Variants in KCNQ4 observed in about 807,000 individuals in gnomAD.
The protein encoded by KCNQ4 is potassium voltage-gated channel subfamily Q member 4.
Under a neutral mutation model 72.6 loss-of-function variants are expected in KCNQ4, and 31 were observed. The observed-to-expected ratio is 0.43, with a 90% CI of 0.32 to 0.58. KCNQ4 has a LOEUF of 0.58. Among genes scored for constraint, KCNQ4 ranks in the 20% least tolerant of loss-of-function variants. KCNQ4 has a pLI of 0.08. For missense variants in KCNQ4, 869 were observed against 962.6 expected (o/e 0.90, Z 1.29); for synonymous variants, 405 against 403.7 (o/e 1.00, Z -0.04).
chr1:40,802,502 A>C (rs1183673269), intron 1 of KCNQ4, among the ~76,000 whole-genome samples: 3 of 151,804 alleles, frequency 2.0e-5, no homozygotes, highest in Non-Finnish European at 4.4e-5. Flanking sequence ...CCTCCCAGGG[A>C]CGCAAGAGCC....
Position 40,817,239 on chromosome 1 carries a change from C to G in KCNQ4, c.315-26C>G. The G allele has an allele frequency of 3.2e-6, 5 of 1,571,050 alleles. No individual in the cohort carries two copies. Among genetic ancestry groups the G allele is most frequent in the Non-Finnish European group, 4.4e-6 (5 of 1,141,906 alleles). ...CTGTCCTGTCCCTCCAACAATCTAA[C>G]CCTCTCCCTCATGTTGTAATTGCAG... is the stretch of plus-strand genomic sequence containing the variant. On this transcript the variant is annotated intron_variant, in intron 1 of 13. Coordinates refer to ENST00000347132, the MANE Select transcript of KCNQ4 (RefSeq NM_004700.4). The surrounding 1 kb of genome is among the most constrained non-coding windows in gnomAD (Gnocchi z 5.5).
At chr1:40,792,625 A>T (rs1647305331) in intron 1 of KCNQ4, among the ~76,000 whole-genome samples, 2 of 151,472 alleles carry the variant, frequency 1.3e-5, no homozygotes, top group African/African-American at 2.4e-5. Flanking sequence ...GAACTCATTC[A>T]CTCATCTCAT....
At chr1:40,824,037 A>G in intron 8 of KCNQ4, 60 bp from the exon 9 acceptor site, 3 of 1,534,578 alleles carry the variant, frequency 2.0e-6, no homozygotes, top group Non-Finnish European at 2.6e-6. Context: ...CTCTGTGCCC[A>G]CTGGGTGAGG....
chr1:40,832,688 A>G (rs1450129119), intron 10 of KCNQ4, among the ~76,000 whole-genome samples: 1 of 152,202 alleles, frequency 6.6e-6, no homozygotes, highest in Non-Finnish European at 1.5e-5. Context: ...CTGTTCTGCA[A>G]GGTGGAACCA....
chr1:40,814,204 C>T (rs896969767), intron 1 of KCNQ4, among the ~76,000 whole-genome samples: 2 of 151,738 alleles, frequency 1.3e-5, no homozygotes, highest in African/African-American at 4.8e-5. Context: ...CAGGCGCCTA[C>T]CAACACGCCT....
chr1:40,786,633 C>T (rs941358030), intron 1 of KCNQ4, among the ~76,000 whole-genome samples: 6 of 152,318 alleles, frequency 3.9e-5, no homozygotes, highest in African/African-American at 1.4e-4. Context: ...AGGAACCCCA[C>T]CTCTTATGTG....
Position 40,784,204 on chromosome 1 carries a change from CG to C in KCNQ4, c.116del (p.Gly39AlafsTer100), listed in dbSNP as rs1351701810. The C allele has an allele frequency of 1.8e-6, 2 of 1,126,874 alleles. No individual in the cohort carries two copies. Among genetic ancestry groups the C allele is most frequent in the South Asian group, 3.8e-5 (1 of 26,554 alleles). 69.8% of individuals were successfully genotyped at this position (1,126,874 alleles called of 1,614,324 possible). Reference protein sequence around the residue: ...AVQSEQGEAGGGGSPRRLGLL... With the variant: ...AVQSEQGEAGXGGSPRRLGLL... Reference sequence around the variant, plus strand: ...TGCAGAGCGAACAGGGCGAGGCGGGCGGGGGCGGCTCCCCGCGCCGCCTCGG... The same window carrying C: ...TGCAGAGCGAACAGGGCGAGGCGGGCGGGGCGGCTCCCCGCGCCGCCTCGG... On this transcript the variant is annotated frameshift_variant, in exon 1 of 14. Transcript: ENST00000347132. LOFTEE classifies it high-confidence loss of function. The surrounding 1 kb of genome is among the most constrained non-coding windows in gnomAD (Gnocchi z 4.1).
chr1:40,818,075 AACC>A, intron 2 of KCNQ4, 86 bp from the exon 3 acceptor site: 1 of 1,570,840 alleles, frequency 6.4e-7, no homozygotes, highest in Non-Finnish European at 8.7e-7. Flanking sequence ...TGGTCCCCCT[AACC>A]CAGGGACTCT....
intron 9 of KCNQ4, among the ~76,000 whole-genome samples, chr1:40,830,665 G>C (rs1412236198): frequency 6.6e-6 from 1 of 152,114 alleles, no homozygotes; most frequent in Non-Finnish European, 1.5e-5. Context: ...TGCATGGCCA[G>C]GTGAGCTTCC....
Position 40,819,463 on chromosome 1 carries a change from G to C in KCNQ4, c.825G>C (p.Trp275Cys), listed in dbSNP as rs956666801. The C allele has an allele frequency of 6.2e-7, 1 of 1,613,788 alleles. No individual in the cohort carries two copies. ...SDFSSYADSL[W>C]WGTITLTTIG... is the part of the protein sequence containing the mutation. ...TCTCCTCCTACGCCGACTCGCTCTG[G>C]TGGGGGACGGTGCGTGAGGGTCTTT... is the stretch of plus-strand genomic sequence containing the variant. The change falls in exon 5 of 14, where the codon TGG becomes TGC. Residue 275 changes from tryptophan (W) to cysteine (C), a missense_variant. Trp to Cys is a radical substitution (Grantham distance 215, BLOSUM62 -2). Transcript: ENST00000347132.
intron 9 of KCNQ4, among the ~76,000 whole-genome samples, chr1:40,828,194 G>A (rs1648539985): frequency 6.6e-6 from 1 of 152,166 alleles, no homozygotes; most frequent in South Asian, 2.1e-4. Flanking sequence ...CCTTGTGGAA[G>A]TGAGTTCAAG....
chr1:40,791,120 C>A (rs1331936054), intron 1 of KCNQ4, among the ~76,000 whole-genome samples: 1 of 152,078 alleles, frequency 6.6e-6, no homozygotes, highest in African/African-American at 2.4e-5. Flanking sequence ...GCAGGGAATC[C>A]CAAGGGAGAT....
intron 1 of KCNQ4, among the ~76,000 whole-genome samples, chr1:40,806,042 C>T (rs1419305232): frequency 3.3e-5 from 5 of 152,074 alleles, no homozygotes; most frequent in African/African-American, 1.2e-4. Context: ...GGGGTTTCAC[C>T]GTGTTAGCCA....
In KCNQ4 at chr1:40,839,356, C is replaced by T. The variant is rs1648907584; in HGVS notation, c.*833C>T. On this transcript the variant is annotated 3_prime_UTR_variant, in exon 14 of 14. Transcript: ENST00000347132. ...TCAGCACAGGTTTCTGTATCCTCCC[C>T]AAAACTCCCAGACAGTGCTTCGTGG... 6.6e-6 allele frequency: 1 copy of T among 152,348 alleles called. No individual in the cohort carries two copies. Among genetic ancestry groups the T allele is most frequent in the South Asian group, 2.1e-4 (1 of 4,836 alleles). The allele number at this position is 152,348 out of a possible 1,614,324, so 9.4% of individuals were successfully genotyped here.
chr1:40,826,351 A>G (rs1571288), intron 9 of KCNQ4, among the ~76,000 whole-genome samples: 141,826 of 152,294 alleles, frequency 0.93, 66,263 homozygotes, highest in East Asian at 1. Flanking sequence ...CATCCCATGG[A>G]GTGTTTGTTC....
rs1169633047 is a variant in KCNQ4 at position 40,831,263 on chromosome 1, T to A, written c.1472T>A (p.Phe491Tyr). ...TGGAGCTTCAATGACCGCACCCGCT[T>A]CCGGGCATCTCTGAGACTCAAACCC... ...KSWSFNDRTR[F>Y]RASLRLKPRT... is the part of the protein sequence containing the mutation. Residue 491 changes from phenylalanine to tyrosine, a missense_variant, in exon 10 of 14, where the codon TTC (phenylalanine) becomes TAC (tyrosine). Phe to Tyr is a conservative substitution (Grantham distance 22). Coordinates refer to ENST00000347132, the MANE Select transcript of KCNQ4 (RefSeq NM_004700.4). 6.2e-7 allele frequency: 1 copy of A among 1,606,666 alleles called. No homozygotes were observed. The highest frequency in any genetic ancestry group is 1.7e-5 in the Admixed American group (1 of 58,960).
intron 11 of KCNQ4, among the ~76,000 whole-genome samples, 190 bp downstream of exon 11, chr1:40,833,303 G>T (rs1056346313): frequency 6.6e-6 from 1 of 152,142 alleles, no homozygotes; most frequent in African/African-American, 2.4e-5. Flanking sequence ...CCAGCTACTT[G>T]GGAGGCTGAG....
In KCNQ4 at chr1:40,818,307, C is replaced by A. The variant is rs1194702511; in HGVS notation, c.532+17C>A. 1.9e-6 allele frequency: 3 copies of A among 1,613,350 alleles called. No individual in the cohort carries two copies. Among genetic ancestry groups the A allele is most frequent in the South Asian group, 2.2e-5 (2 of 91,080 alleles). ...GTGTCATCGGTAATGAGGCGCGCCCCGCCCGACCTGACCCCTGACCCCAGG... is the reference window on the plus strand; with the variant it reads ...GTGTCATCGGTAATGAGGCGCGCCCAGCCCGACCTGACCCCTGACCCCAGG... On this transcript the variant is annotated intron_variant, in intron 3 of 13. Transcript: ENST00000347132.
chr1:40,834,821 C>A, intron 11 of KCNQ4, 146 bp from the exon 12 acceptor site: 2 of 1,037,356 alleles, frequency 1.9e-6, no homozygotes, highest in Non-Finnish European at 1.4e-6. Context: ...GTAGGGGAGG[C>A]TGGGAGACGC....
Sources: allele counts gnomAD v4.1 joint callset (sites outside exome capture counted in the v4.1 genomes callset), GRCh38; gene constraint gnomAD v4.1.1; non-coding constraint Gnocchi (gnomAD v3.1); transcripts MANE v1.5; gene names NCBI Gene and HGNC (gene_info 2026-07-23, HGNC 2026-07-21).